Variants in ADCYAP1R1 observed in about 807,000 individuals in gnomAD.
ADCYAP1R1 encodes the protein pituitary adenylate cyclase-activating polypeptide type I receptor.
A neutral mutation model predicts 67.6 loss-of-function variants in ADCYAP1R1; 44 were observed. The ratio of observed to expected loss-of-function variants is 0.65; its 90% CI spans 0.51 to 0.84. The LOEUF (loss-of-function observed/expected upper bound fraction) is 0.84. ADCYAP1R1 is among the 40% of genes least tolerant of loss of function. ADCYAP1R1 has a pLI of 0.00. For synonymous variants in ADCYAP1R1, 222 were observed against 219.6 expected (o/e 1.01, Z -0.10); for missense variants, 477 against 587.9 (o/e 0.81, Z 1.95).
intron 12 of ADCYAP1R1, 151 bp from the exon 13 acceptor site, chr7:31,092,493 G>A (rs1795998007): frequency 1.5e-6 from 1 of 655,992 alleles, no homozygotes; most frequent in South Asian, 1.7e-5. Flanking sequence ...ACTGTGGGAG[G>A]CTGGAGAGAT....
At chr7:31,068,689 G>A (rs1794848258) in intron 3 of ADCYAP1R1, among the ~76,000 whole-genome samples, 1 of 152,212 alleles carries the variant, frequency 6.6e-6, no homozygotes, top group Non-Finnish European at 1.5e-5. Flanking sequence ...GCAGGCCAGG[G>A]TGAGGGGAGG....
At chr7:31,056,715 GC>G (rs1384742130) in intron 1 of ADCYAP1R1, among the ~76,000 whole-genome samples, 1 of 152,106 alleles carries the variant, frequency 6.6e-6, no homozygotes, top group African/African-American at 2.4e-5. Context: ...CTGCTCCCCA[GC>G]CTTTGAAGGG....
Position 31,092,751 on chromosome 7 carries a change from T to A in ADCYAP1R1, c.1046+16T>A. On this transcript the variant is annotated intron_variant, in intron 13 of 15. Coordinates refer to ENST00000304166, the MANE Select transcript of ADCYAP1R1 (RefSeq NM_001118.5). Reference sequence around the variant, plus strand: ...GCATCTACTTGTAAGTACCATTGTGTGGCTGCCACAGCCATTTCTGACAGC... The same window carrying A: ...GCATCTACTTGTAAGTACCATTGTGAGGCTGCCACAGCCATTTCTGACAGC... The A allele has an allele frequency of 6.3e-7, 1 of 1,590,502 alleles. No homozygotes were observed. The highest frequency in any genetic ancestry group is 8.6e-7 in the Non-Finnish European group (1 of 1,165,600).
intron 5 of ADCYAP1R1, 21 bp downstream of exon 5, chr7:31,080,654 G>C (rs1280557123): frequency 1.9e-6 from 3 of 1,613,212 alleles, no homozygotes; most frequent in Non-Finnish European, 8.5e-7. Flanking sequence ...CCTTGGTGAG[G>C]ATAGACCGCT....
chr7:31,058,930 G>T (rs761869839), intron 1 of ADCYAP1R1, among the ~76,000 whole-genome samples: 1 of 152,196 alleles, frequency 6.6e-6, no homozygotes. Flanking sequence ...GGTCACCTCC[G>T]CCATAGAAGG....
At chr7:31,079,991 T>C (rs1265318153) in intron 4 of ADCYAP1R1, among the ~76,000 whole-genome samples, 1 of 152,234 alleles carries the variant, frequency 6.6e-6, no homozygotes, top group African/African-American at 2.4e-5. Flanking sequence ...ACTTCCTCCA[T>C]TCATGTATTT....
intron 13 of ADCYAP1R1, among the ~76,000 whole-genome samples, chr7:31,098,234 A>G (rs1262102184): frequency 6.6e-6 from 1 of 152,218 alleles, no homozygotes; most frequent in Non-Finnish European, 1.5e-5. Context: ...AAGGTACATA[A>G]TAAATTTGAA....
intron 15 of ADCYAP1R1, among the ~76,000 whole-genome samples, chr7:31,106,190 A>G (rs1796638220): frequency 6.6e-6 from 1 of 152,214 alleles, no homozygotes; most frequent in African/African-American, 2.4e-5. Context: ...CTGCTTGTTA[A>G]AGATTTCCTG....
intron 1 of ADCYAP1R1, among the ~76,000 whole-genome samples, chr7:31,055,358 TGC>T (rs1491587541): frequency 7.1e-6 from 1 of 141,134 alleles, no homozygotes; most frequent in East Asian, 2.0e-4. Flanking sequence ...TGTGTGTGTG[TGC>T]ACGCGCGTGT....
At chr7:31,095,376 G>C (rs1796146597) in intron 13 of ADCYAP1R1, among the ~76,000 whole-genome samples, 1 of 152,188 alleles carries the variant, frequency 6.6e-6, no homozygotes, top group Non-Finnish European at 1.5e-5. Context: ...CATTAAACAA[G>C]TGTGCAAAAT....
At chr7:31,065,006 G>A in intron 3 of ADCYAP1R1, 70 bp downstream of exon 3, 1 of 1,254,154 alleles carries the variant, frequency 8.0e-7, no homozygotes, top group Non-Finnish European at 1.1e-6. Flanking sequence ...CTGTGCTCAG[G>A]CTCGGCCAGT....
At position 31,086,638 on chromosome 7, in the gene ADCYAP1R1, G is replaced by A. The variant is rs546968966; in HGVS notation, c.823+101G>A. 6.4e-6 allele frequency: 9 copies of A among 1,407,106 alleles called. No homozygotes were observed. Among genetic ancestry groups the A allele is most frequent in the Non-Finnish European group, 7.9e-6 (8 of 1,018,746 alleles). The allele number at this position is 1,407,106 out of a possible 1,614,324, so 87.2% of individuals were successfully genotyped here. A position where few individuals can be genotyped will look rare whatever the true frequency, so the allele number is the denominator to read the frequency against. ...TTCAGGAAGTGTCAGGTGAGGAGGG[G>A]CCACTGCCCTGCCCGAGTCTAATGG... On this transcript the variant is annotated intron_variant, in intron 10 of 15. Coordinates refer to ENST00000304166, the MANE Select transcript of ADCYAP1R1 (RefSeq NM_001118.5). This position sits in a 1 kb window ranked among gnomAD's most constrained non-coding sequence, Gnocchi z 5.0.
intron 3 of ADCYAP1R1, among the ~76,000 whole-genome samples, chr7:31,075,303 G>A (rs1487366878): frequency 6.6e-6 from 1 of 152,180 alleles, no homozygotes; most frequent in Non-Finnish European, 1.5e-5. Flanking sequence ...TTGCACGTAT[G>A]AACTCATTAA....
intron 5 of ADCYAP1R1, 22 bp from the exon 6 acceptor site, chr7:31,081,691 T>A (rs1330208298): frequency 6.3e-7 from 1 of 1,584,158 alleles, no homozygotes. Flanking sequence ...TTTTGATATA[T>A]GCCTATGTCT....
intron 1 of ADCYAP1R1, among the ~76,000 whole-genome samples, chr7:31,053,906 T>C (rs541853823): frequency 3.9e-4 from 59 of 152,066 alleles, no homozygotes; most frequent in African/African-American, 1.2e-3. Context: ...TGAGTGGCGG[T>C]AGGATTCCCA....
At chr7:31,083,132 A>C (rs1432866289) in intron 6 of ADCYAP1R1, among the ~76,000 whole-genome samples, 1 of 152,240 alleles carries the variant, frequency 6.6e-6, no homozygotes, top group Non-Finnish European at 1.5e-5. Context: ...TGGTCTTTGA[A>C]TGCTGTGAAG....
intron 13 of ADCYAP1R1, chr7:31,100,147 A>G (rs890611835): frequency 2.6e-6 from 4 of 1,550,426 alleles, no homozygotes; most frequent in Admixed American, 3.9e-5. Context: ...CAGAAATGCT[A>G]CTGCAAGCCA....
intron 3 of ADCYAP1R1, among the ~76,000 whole-genome samples, chr7:31,071,848 C>G (rs1794995010): frequency 6.6e-6 from 1 of 152,156 alleles, no homozygotes; most frequent in South Asian, 2.1e-4. Context: ...CCTCTTGGCT[C>G]TTAGCACCAT....
At chr7:31,103,937 T>A (rs1541517) in intron 14 of ADCYAP1R1, among the ~76,000 whole-genome samples, 29,718 of 152,084 alleles carry the variant, frequency 0.2, 5,498 homozygotes, top group African/African-American at 0.49. Context: ...CAGCAGTAGG[T>A]GGATGAAGGC....
Sources: allele counts gnomAD v4.1 joint callset (sites outside exome capture counted in the v4.1 genomes callset), GRCh38; gene constraint gnomAD v4.1.1; non-coding constraint Gnocchi (gnomAD v3.1); transcripts MANE v1.5; gene names NCBI Gene and HGNC (gene_info 2026-07-23, HGNC 2026-07-21).